The following ALDH18A1 variants were observed in gnomAD, a reference collection of about 807,000 sequenced individuals.
The protein encoded by ALDH18A1 is aldehyde dehydrogenase 18 family member A1, also known as delta-1-pyrroline-5-carboxylate synthase.
In ALDH18A1, 44 loss-of-function variants were observed where a neutral mutation model predicts 88.8. The observed-to-expected ratio is 0.50, with a 90% CI of 0.39 to 0.64. ALDH18A1 has a LOEUF of 0.64. Ranked by LOEUF, ALDH18A1 falls within the 30% of genes least tolerant of loss-of-function variation. The probability of loss-of-function intolerance (pLI) is 0.00; values close to 1 mark genes in which losing one functional copy is unlikely to be tolerated. For synonymous variants in ALDH18A1, 331 were observed against 372.1 expected, an observed-to-expected ratio of 0.89 and a Z score of 1.27; for missense variants, 782 against 1,009.5, an observed-to-expected ratio of 0.77 and a Z score of 3.05.
At chr10:95,620,066 T>G (rs1256919446) in intron 12 of ALDH18A1, among the ~76,000 whole-genome samples, 1 of 152,022 alleles carries the variant, frequency 6.6e-6, no homozygotes, top group Non-Finnish European at 1.5e-5. Flanking sequence ...TCCAGAATCT[T>G]CAAATAACTC....
intron 10 of ALDH18A1, among the ~76,000 whole-genome samples, chr10:95,626,245 T>C (rs541470938): frequency 1.3e-5 from 2 of 152,274 alleles, no homozygotes; most frequent in African/African-American, 4.8e-5. Context: ...AGCTTCTACT[T>C]GACCTCCTCA....
chr10:95,611,434 A>G lies in ALDH18A1; in HGVS notation c.1932T>C (p.Ile644=). ...AGGAGGCAAATTTGGGGCCTGCATG[A>G]ATTTTTACCTGGAACAGAGGAAGTC... The part of the protein sequence containing the change: ...IDMLRVEQVK[I]HAGPKFASYL... Residue 644 remains isoleucine (I), a synonymous_variant, in exon 16 of 18, where the codon ATT becomes ATC. Coordinates refer to ENST00000371224, the MANE Select transcript of ALDH18A1 (RefSeq NM_002860.4). 1 of 1,614,192 alleles carries G rather than the reference A, an allele frequency of 6.2e-7. No homozygotes were observed. The highest frequency in any genetic ancestry group is 8.5e-7 in the Non-Finnish European group (1 of 1,180,024).
intron 5 of ALDH18A1, among the ~76,000 whole-genome samples, chr10:95,635,880 C>T (rs1326819990): frequency 6.6e-6 from 1 of 152,196 alleles, no homozygotes; most frequent in African/African-American, 2.4e-5. Context: ...TGAGCTTCCT[C>T]ACCTGGCTCC....
At chr10:95,648,135 T>C (rs191082263) in intron 2 of ALDH18A1, among the ~76,000 whole-genome samples, 2 of 152,250 alleles carry the variant, frequency 1.3e-5, no homozygotes, top group Admixed American at 1.3e-4. Flanking sequence ...ATGGGGATGA[T>C]CTTGAGGGAC....
chr10:95,654,485 TCA>T (rs2139673315), intron 1 of ALDH18A1, among the ~76,000 whole-genome samples: 1 of 152,230 alleles, frequency 6.6e-6, no homozygotes, highest in East Asian at 1.9e-4. Flanking sequence ...GAAAAATACT[TCA>T]CTTTCTTTGT....
intron 7 of ALDH18A1, among the ~76,000 whole-genome samples, chr10:95,629,192 AG>A (rs1325957904): frequency 2.6e-5 from 4 of 152,224 alleles, no homozygotes; most frequent in Non-Finnish European, 5.9e-5. Context: ...AGTAAGTAGG[AG>A]CTTGGACAAG....
At chr10:95,634,722 C>T (rs760026055) in intron 5 of ALDH18A1, among the ~76,000 whole-genome samples, 2 of 152,202 alleles carry the variant, frequency 1.3e-5, no homozygotes, top group Non-Finnish European at 2.9e-5. Flanking sequence ...GGCTGGTAAA[C>T]AGCTCTGCTT....
At chr10:95,624,326 G>C (rs1173567317) in intron 11 of ALDH18A1, among the ~76,000 whole-genome samples, 2 of 152,144 alleles carry the variant, frequency 1.3e-5, no homozygotes, top group Non-Finnish European at 1.5e-5. Flanking sequence ...GGCAACAACA[G>C]GTTTACCCTC....
At chr10:95,653,844 C>T (rs942784835) in intron 1 of ALDH18A1, among the ~76,000 whole-genome samples, 16 of 152,226 alleles carry the variant, frequency 1.1e-4, no homozygotes, top group Admixed American at 9.8e-4. Flanking sequence ...GAAATGTCAG[C>T]TTGATCCTTG....
chr10:95,641,997 G>C (rs2097892630), intron 3 of ALDH18A1, among the ~76,000 whole-genome samples: 1 of 152,134 alleles, frequency 6.6e-6, no homozygotes, highest in African/African-American at 2.4e-5. Flanking sequence ...TGATAATTTA[G>C]AATAGAAAAT....
At chr10:95,629,121 C>T (rs1012842639) in intron 7 of ALDH18A1, among the ~76,000 whole-genome samples, 3 of 152,066 alleles carry the variant, frequency 2.0e-5, no homozygotes, top group African/African-American at 7.2e-5. Context: ...AAATAGTTAC[C>T]TGAAATGTTA....
chr10:95,649,127 C>A (rs568197580), intron 2 of ALDH18A1, among the ~76,000 whole-genome samples: 56 of 152,276 alleles, frequency 3.7e-4, no homozygotes, highest in African/African-American at 1.3e-3. Flanking sequence ...ACATCACAAA[C>A]AGCCTTTCAA....
intron 11 of ALDH18A1, among the ~76,000 whole-genome samples, chr10:95,621,680 G>A (rs1408966956): frequency 6.6e-6 from 1 of 152,096 alleles, no homozygotes; most frequent in Non-Finnish European, 1.5e-5. Flanking sequence ...GGAAGACAAT[G>A]ACATGCCACT....
chr10:95,643,443 A>G (rs1468357608), intron 2 of ALDH18A1, among the ~76,000 whole-genome samples: 1 of 152,194 alleles, frequency 6.6e-6, no homozygotes, highest in East Asian at 1.9e-4. Context: ...CTGTTGGTGA[A>G]GAGTACAAAC....
intron 3 of ALDH18A1, among the ~76,000 whole-genome samples, 153 bp from the exon 4 acceptor site, chr10:95,637,589 G>C (rs969527004): frequency 4.6e-5 from 7 of 152,088 alleles, no homozygotes; most frequent in Admixed American, 4.6e-4. Flanking sequence ...CAGCCAGATT[G>C]GTAAAAACAC....
Position 95,610,819 on chromosome 10 carries a change from T to C in ALDH18A1, c.2110+437A>G, listed in dbSNP as rs12357333. 2.2e-3 allele frequency among the ~76,000 whole-genome samples: 342 copies of C among 152,262 alleles called. 2 individuals carry two copies. The highest frequency in any genetic ancestry group is 3.0e-3 in the Non-Finnish European group (204 of 68,008). ...TAATTAGCTGACTGTAAATTCCTCA[T>C]TGGGGCCCTACTGGCATCCTCCACC... On this transcript the variant is annotated intron_variant, in intron 16 of 17. Coordinates refer to ENST00000371224, the MANE Select transcript of ALDH18A1 (RefSeq NM_002860.4).
intron 17 of ALDH18A1, among the ~76,000 whole-genome samples, chr10:95,609,029 C>A (rs1023874058): frequency 6.6e-6 from 1 of 152,168 alleles, no homozygotes; most frequent in Admixed American, 6.5e-5. Context: ...GCAAGTGCCA[C>A]CATGCTCAGC....
At position 95,621,017 on chromosome 10, in the gene ALDH18A1, G is replaced by A. The variant is rs949183256; in HGVS notation, c.1467+14C>T. The A allele has an allele frequency of 1.9e-6, 3 of 1,612,110 alleles. No individual in the cohort carries two copies. In the African/African-American group the frequency reaches 4.0e-5, roughly 22 times the overall value. On this transcript the variant is annotated intron_variant, in intron 12 of 17. Coordinates refer to ENST00000371224, the MANE Select transcript of ALDH18A1 (RefSeq NM_002860.4). ...CAATGGCAGGGTATTTATTCTCCCG[G>A]GGTATATACACACCTGGGGTAGACA...
Position 95,633,546 on chromosome 10 carries a change from G to A in ALDH18A1, c.662C>T (p.Thr221Ile). The part of the protein sequence containing the change: ...LRMNIVPIVN[T>I]NDAVVPPAEP... ...AGCTGGGGGGACAACAGCATCATTT[G>A]TGTTGACAATGGGGACAATGTTCAT... Residue 221 changes from threonine to isoleucine, a missense_variant, in exon 6 of 18, where the codon ACA becomes ATA. Physicochemically the swap from Thr to Ile is moderately conservative, Grantham distance 89. Around this residue, in one of 3 missense-constraint regions of ALDH18A1, gnomAD observed 132 missense variants for 255.5 expected, o/e 0.52. Transcript: ENST00000371224. 1 of 1,614,160 alleles carries A rather than the reference G, an allele frequency of 6.2e-7. No individual in the cohort carries two copies. The highest frequency in any genetic ancestry group is 2.2e-5 in the East Asian group (1 of 44,884).
Sources: allele counts gnomAD v4.1 joint callset (sites outside exome capture counted in the v4.1 genomes callset), GRCh38; gene constraint gnomAD v4.1.1; regional missense constraint gnomAD v4.1.1; transcripts MANE v1.5; gene names NCBI Gene and HGNC (gene_info 2026-07-23, HGNC 2026-07-21).